RAI14: variants seen among roughly 807,000 people sequenced by gnomAD.
RAI14 encodes retinoic acid induced 14.
A neutral mutation model predicts 115.4 loss-of-function variants in RAI14; 45 were observed. The observed-to-expected ratio is 0.39, with a 90% CI of 0.31 to 0.50. The LOEUF (loss-of-function observed/expected upper bound fraction) is 0.50. RAI14 is among the 20% of genes least tolerant of loss of function. RAI14 has a pLI of 0.85. For missense variants in RAI14, 939 were observed against 1,131.2 expected, an observed-to-expected ratio of 0.83 and a Z score of 2.44; for synonymous variants, 371 against 415.4, an observed-to-expected ratio of 0.89 and a Z score of 1.30.
At chr5:34,689,448 A>G (rs1254048400) in intron 2 of RAI14, among the ~76,000 whole-genome samples, 1 of 152,152 alleles carries the variant, frequency 6.6e-6, no homozygotes, top group Non-Finnish European at 1.5e-5. Flanking sequence ...TAGCTTTAAA[A>G]GCGACTTAAA....
At chr5:34,822,611 G>A (rs1235116144) in intron 14 of RAI14, among the ~76,000 whole-genome samples, 4 of 145,712 alleles carry the variant, frequency 2.7e-5, no homozygotes, top group African/African-American at 7.5e-5. Context: ...CCAAAGTTGC[G>A]GATTTACTCC....
chr5:34,664,172 C>CTTAT (rs547930889), intron 1 of RAI14, among the ~76,000 whole-genome samples: 32 of 150,612 alleles, frequency 2.1e-4, no homozygotes, highest in African/African-American at 7.3e-5. Flanking sequence ...TTTTTCTTTC[C>CTTAT]TTATTTATTT....
intron 16 of RAI14, among the ~76,000 whole-genome samples, chr5:34,828,150 C>CTAACCAGTCGCAGTAGGG (rs1447206128): frequency 6.6e-6 from 1 of 152,096 alleles, no homozygotes; most frequent in Admixed American, 6.5e-5. Flanking sequence ...TCTGGTGGGG[C>CTAACCAGTCGCAGTAGGG]TAACCAGTCG....
chr5:34,668,371 G>A (rs1315141730), intron 1 of RAI14, among the ~76,000 whole-genome samples: 1 of 150,578 alleles, frequency 6.6e-6, no homozygotes, highest in Non-Finnish European at 1.5e-5. Context: ...TCCAGCCTAG[G>A]CAACAGAGCG....
At chr5:34,726,695 A>T (rs1743512730) in intron 2 of RAI14, among the ~76,000 whole-genome samples, 1 of 151,994 alleles carries the variant, frequency 6.6e-6, no homozygotes, top group African/African-American at 2.4e-5. Context: ...TGTTCTCAGG[A>T]TAGTGAATAA....
In RAI14 at chr5:34,705,679, C is replaced by T. The variant is rs183396582; in HGVS notation, c.36+18724C>T. On this transcript the variant is annotated intron_variant, in intron 2 of 17. Coordinates refer to ENST00000265109, the MANE Select transcript of RAI14 (RefSeq NM_015577.3). ...TTATTTTTTTTGTGACAGAGTTTCA[C>T]TCTTGTTGCCCAGGCTGGAGTGCAA... Among the ~76,000 whole-genome samples the T allele has an allele frequency of 2.6e-5, 4 of 152,222 alleles. No homozygotes were observed. In the East Asian group the frequency reaches 7.7e-4, roughly 29 times the overall value.
At chr5:34,697,537 G>A (rs1363061970) in intron 2 of RAI14, among the ~76,000 whole-genome samples, 9 of 151,868 alleles carry the variant, frequency 5.9e-5, no homozygotes, top group African/African-American at 1.9e-4. Flanking sequence ...TTTATGTCCT[G>A]TAATATATTG....
intron 1 of RAI14, among the ~76,000 whole-genome samples, chr5:34,677,637 G>A (rs1744084203): frequency 6.6e-6 from 1 of 151,794 alleles, no homozygotes; most frequent in Admixed American, 6.6e-5. Flanking sequence ...GTAGAGATGG[G>A]GATCTCACTA....
In RAI14 at chr5:34,827,970, T is replaced by G. The variant is rs756933181; in HGVS notation, c.2799+1491T>G. Among the ~76,000 whole-genome samples, 3 of 152,218 alleles carry G rather than the reference T, an allele frequency of 2.0e-5. No individual in the cohort carries two copies. Among genetic ancestry groups the G allele is most frequent in the Non-Finnish European group, 4.4e-5 (3 of 68,034 alleles). The stretch of plus-strand genomic sequence containing the variant: ...GTTCCTACGGGAGTTACACTTGTGC[T>G]GAGTCTTGAAGGCCTGAGTAAGAAT... On this transcript the variant is annotated intron_variant, in intron 16 of 17. Transcript: ENST00000265109. The surrounding 1 kb of genome is among the most constrained non-coding windows in gnomAD (Gnocchi z 4.2).
At chr5:34,732,049 C>A (rs376148756) in intron 2 of RAI14, among the ~76,000 whole-genome samples, 3 of 152,170 alleles carry the variant, frequency 2.0e-5, no homozygotes, top group African/African-American at 7.2e-5. Flanking sequence ...ACCACAGGCC[C>A]TGGAAATGGG....
rs148103351 is a variant in RAI14 at position 34,749,412 on chromosome 5, G to A, written c.37-8056G>A. Among the ~76,000 whole-genome samples, 284 of 152,354 alleles carry A rather than the reference G, an allele frequency of 1.9e-3. 1 individual carries two copies. Among genetic ancestry groups the A allele is most frequent in the African/African-American group, 6.6e-3 (273 of 41,578 alleles). ...CTCAGAACCTCTTGACTAGCCAGAT[G>A]TCTGTGACCACTGAGTTCCACTGGT... On this transcript the variant is annotated intron_variant, in intron 2 of 17. Transcript: ENST00000265109.
At chr5:34,674,586 G>GTTTTTTT (rs370599165) in intron 1 of RAI14, among the ~76,000 whole-genome samples, 1 of 132,542 alleles carries the variant, frequency 7.5e-6, no homozygotes, top group African/African-American at 2.8e-5. Flanking sequence ...CGGATCTTTT[G>GTTTTTTT]TTTTTTTTTT....
At chr5:34,721,179 C>T (rs1742671677) in intron 2 of RAI14, among the ~76,000 whole-genome samples, 1 of 151,562 alleles carries the variant, frequency 6.6e-6, no homozygotes, top group Non-Finnish European at 1.5e-5. Flanking sequence ...GGTCTTCGGC[C>T]TCCCGTTGTT....
At chr5:34,706,399 A>G (rs1740700793) in intron 2 of RAI14, among the ~76,000 whole-genome samples, 2 of 152,168 alleles carry the variant, frequency 1.3e-5, no homozygotes, top group East Asian at 1.9e-4. Context: ...TAAAAGGTAA[A>G]TATAAATAGA....
chr5:34,725,037 G>A (rs1397096062), intron 2 of RAI14, among the ~76,000 whole-genome samples: 1 of 151,430 alleles, frequency 6.6e-6, no homozygotes, highest in Non-Finnish European at 1.5e-5. Context: ...AGCCATTGGA[G>A]AGAGAGAGAG....
At chr5:34,830,221 C>T (rs1259857525) in intron 17 of RAI14, among the ~76,000 whole-genome samples, 4 of 152,148 alleles carry the variant, frequency 2.6e-5, no homozygotes, top group Non-Finnish European at 4.4e-5. Context: ...TGAGCTCAAG[C>T]AATCCACCCG....
chr5:34,814,447 G>A lies in RAI14; in HGVS notation c.853-136G>A, dbSNP rs570464362. 4.9e-4 allele frequency: 316 copies of A among 642,852 alleles called. 16 individuals are homozygous for A. In the South Asian group the frequency reaches 5.2e-3, roughly 11 times the overall value. 39.8% of individuals were successfully genotyped at this position (642,852 alleles called of 1,614,324 possible). On this transcript the variant is annotated intron_variant, in intron 11 of 17. Transcript: ENST00000265109. Reference sequence around the variant, plus strand: ...GAATTGCACTGAAAATATTCTACCCGTGAATTAATTGATGCCAAGGATACT... The same window carrying A: ...GAATTGCACTGAAAATATTCTACCCATGAATTAATTGATGCCAAGGATACT...
chr5:34,742,092 G>A (rs537184068), intron 2 of RAI14, among the ~76,000 whole-genome samples: 19 of 152,290 alleles, frequency 1.2e-4, no homozygotes, highest in African/African-American at 4.6e-4. Flanking sequence ...ACGTGGCGCT[G>A]ACAGTCTTTG....
chr5:34,676,794 C>T (rs368058711), intron 1 of RAI14, among the ~76,000 whole-genome samples: 16 of 152,082 alleles, frequency 1.1e-4, no homozygotes, highest in Admixed American at 1.3e-4. Flanking sequence ...AGTTTTACTA[C>T]GTGATCATTA....
Sources: gnomAD v4.1 joint callset for allele counts (sites outside exome capture counted in the v4.1 genomes callset) on GRCh38, gnomAD v4.1.1 for gene constraint, Gnocchi (gnomAD v3.1) non-coding constraint, MANE v1.5 for transcripts, NCBI Gene and HGNC (gene_info 2026-07-23, HGNC 2026-07-21) for gene names.